ELN: variants seen among roughly 807,000 people sequenced by gnomAD.
ELN encodes the protein tropoelastin.
ELN carries 65 observed loss-of-function variants against 105.8 expected under a neutral mutation model. The observed-to-expected ratio is 0.61, with a 90% CI of 0.50 to 0.75. The LOEUF (loss-of-function observed/expected upper bound fraction) is 0.75, where lower values mean the gene tolerates loss of function less well. Ranked by LOEUF, ELN falls within the 30% of genes least tolerant of loss-of-function variation. The pLI is 0.00. For missense variants in ELN, 882 were observed against 969.4 expected (o/e 0.91, Z 1.20); for synonymous variants, 368 against 389.2 (o/e 0.95, Z 0.64).
chr7:74,068,946 C>T lies in ELN; in HGVS notation c.*246C>T. 1 of 568,222 alleles carries T rather than the reference C, an allele frequency of 1.8e-6. No individual in the cohort carries two copies. The highest frequency in any genetic ancestry group is 3.2e-6 in the Non-Finnish European group (1 of 315,258). 35.2% of individuals were successfully genotyped at this position (568,222 alleles called of 1,614,324 possible). On this transcript the variant is annotated 3_prime_UTR_variant, in exon 33 of 33. Coordinates refer to ENST00000252034, the MANE Select transcript of ELN (RefSeq NM_000501.4). ...GTGGTCCTGGCCCCCCACCCCATCC[C>T]TTCCCACCTAGGAGCTCCCCCTCCA...
chr7:74,063,548 C>G lies in ELN; in HGVS notation c.1919-73C>G. ...CCACCTGTGTCCCCAGAGGACACCT[C>G]CGCCCTCCACAGGCCGAGGCTTCAG... On this transcript the variant is annotated intron_variant, in intron 28 of 32. Transcript: ENST00000252034. This position sits in a 1 kb window ranked among gnomAD's most constrained non-coding sequence, Gnocchi z 4.1. 1 of 1,612,014 alleles carries G rather than the reference C, an allele frequency of 6.2e-7. No individual in the cohort carries two copies. The highest frequency in any genetic ancestry group is 8.5e-7 in the Non-Finnish European group (1 of 1,178,602).
At chr7:74,057,550 A>G in intron 21 of ELN, 90 bp from the exon 22 acceptor site, 1 of 1,608,250 alleles carries the variant, frequency 6.2e-7, no homozygotes, top group South Asian at 1.1e-5. Flanking sequence ...CGACTGCACC[A>G]TTTTACAAAT....
chr7:74,068,611 C>G (rs13225649), intron 32 of ELN, 46 bp from the exon 33 acceptor site: 1 of 1,613,402 alleles, frequency 6.2e-7, no homozygotes, highest in African/African-American at 1.3e-5. Flanking sequence ...AGAGCCGAAA[C>G]TGAGAGGGGC....
intron 26 of ELN, 108 bp downstream of exon 26, chr7:74,061,247 T>C: frequency 7.1e-7 from 1 of 1,412,804 alleles, no homozygotes; most frequent in Non-Finnish European, 9.9e-7. Flanking sequence ...CCGGGCGTGG[T>C]GGCTCACACC....
chr7:74,045,321 A>G lies in ELN; in HGVS notation c.541+28A>G, dbSNP rs369679257. The G allele has an allele frequency of 5.6e-6, 9 of 1,612,888 alleles. No individual in the cohort carries two copies. The Admixed American group carries it at 1.0e-4, about 18-fold the overall frequency. On this transcript the variant is annotated intron_variant, in intron 10 of 32. Coordinates refer to ENST00000252034, the MANE Select transcript of ELN (RefSeq NM_000501.4). ...ATGCAGCTGTCTGGACAGAGGGCTG[A>G]TGGCAGGGACTCTCCAACCACCTTC...
rs782628522 is a variant in ELN at position 74,053,319 on chromosome 7, G to A, written c.1096+10G>A. ...GGTGCTGCGGTTCCAGGTGAGCTGG[G>A]CTGTGTGTGTGTGTGTGTGTGTGTG... On this transcript the variant is annotated intron_variant, in intron 18 of 32. Transcript: ENST00000252034. The A allele has an allele frequency of 6.4e-7, 1 of 1,563,254 alleles. No individual in the cohort carries two copies. Among genetic ancestry groups the A allele is most frequent in the African/African-American group, 1.7e-5 (1 of 60,442 alleles).
At chr7:74,035,711 C>A in intron 2 of ELN, 1 of 463,946 alleles carries the variant, frequency 2.2e-6, no homozygotes, top group South Asian at 2.2e-5. Context: ...TCTCTACACA[C>A]ACACACACAC....
At chr7:74,051,679 C>G (rs2131844963) in intron 15 of ELN, 71 bp from the exon 16 acceptor site, 1 of 1,575,882 alleles carries the variant, frequency 6.3e-7, no homozygotes, top group Admixed American at 1.7e-5. Flanking sequence ...ACGCCGGCGT[C>G]TAAGTGGCCA....
rs549285430 is a variant in ELN, at chr7:74,060,007, C to A, written c.1536C>A (p.Gly512=). Residue 512 remains glycine, a synonymous_variant, in exon 23 of 33, where the codon GGC becomes GGA. Transcript: ENST00000252034. Reference sequence around the variant, plus strand: ...CTCCTGGAGTTGGTGTGGCTCCTGGCGTTGGCGTGGCTCCCGGCATTGGCC... The same window carrying A: ...CTCCTGGAGTTGGTGTGGCTCCTGGAGTTGGCGTGGCTCCCGGCATTGGCC... The part of the protein sequence containing the change: ...GVAPGVGVAP[G]VGVAPGIGPG... The A allele has an allele frequency of 3.1e-6, 5 of 1,613,158 alleles. No individual in the cohort carries two copies. The highest frequency in any genetic ancestry group is 1.7e-4 in the Middle Eastern group (1 of 6,056).
intron 1 of ELN, among the ~76,000 whole-genome samples, chr7:74,033,863 G>A (rs1041494020): frequency 1.6e-4 from 25 of 152,328 alleles, no homozygotes; most frequent in Middle Eastern, 6.8e-3. Context: ...GGGCTGGGGC[G>A]TTGGCAAGGT....
intron 3 of ELN, 138 bp from the exon 4 acceptor site, chr7:74,037,569 C>T (rs1790263876): frequency 9.3e-6 from 12 of 1,293,326 alleles, no homozygotes; most frequent in Admixed American, 8.0e-5. Flanking sequence ...GCTAGGTTCC[C>T]AGGGGCTCCA....
chr7:74,067,440 G>T (rs1279105675), intron 32 of ELN, among the ~76,000 whole-genome samples: 1 of 150,674 alleles, frequency 6.6e-6, no homozygotes, highest in Non-Finnish European at 1.5e-5. Flanking sequence ...GCTAATTTTT[G>T]TATTTTTAGT....
intron 21 of ELN, 33 bp downstream of exon 21, chr7:74,056,746 C>G: frequency 6.2e-7 from 1 of 1,613,486 alleles, no homozygotes; most frequent in East Asian, 2.2e-5. Flanking sequence ...TCCCCAAGTC[C>G]TGCTCTCCCG....
intron 22 of ELN, among the ~76,000 whole-genome samples, chr7:74,058,141 T>C (rs1795746487): frequency 3.3e-5 from 5 of 151,008 alleles, no homozygotes. Context: ...CTCCTTCCTC[T>C]TCTTCTCCTC....
rs1583862479 is a variant in ELN at position 74,052,152 on chromosome 7, A to G, written c.949+169A>G. 6.5e-6 allele frequency: 5 copies of G among 771,008 alleles called. No homozygotes were observed. The East Asian group carries it at 1.3e-4, about 21-fold the overall frequency. 47.8% of individuals were successfully genotyped at this position (771,008 alleles called of 1,614,324 possible). A position where few individuals can be genotyped will look rare whatever the true frequency, so the allele number is the denominator to read the frequency against. ...TCACTCTACCTGAGATGCCATCTCT[A>G]TTGTTTTGCCCTGATTAACTCAGCA... On this transcript the variant is annotated intron_variant, in intron 17 of 32. Transcript: ENST00000252034.
At chr7:74,060,609 T>C (rs1554683849) in intron 25 of ELN, 108 bp downstream of exon 25, 6 of 1,581,928 alleles carry the variant, frequency 3.8e-6, no homozygotes, top group Admixed American at 1.9e-5. Context: ...GGGTGCATAG[T>C]AAAATCCTTG....
In ELN at chr7:74,059,817, C is replaced by T. The variant is rs960069642; in HGVS notation, c.1415-69C>T. The T allele has an allele frequency of 4.7e-6, 4 of 853,586 alleles. No individual in the cohort carries two copies. In the African/African-American group the frequency reaches 6.6e-5, roughly 14 times the overall value. 52.9% of individuals were successfully genotyped at this position (853,586 alleles called of 1,614,324 possible). A position where few individuals can be genotyped will look rare whatever the true frequency, so the allele number is the denominator to read the frequency against. ...CTATGCCAGGGCCGAGGCTCCAGCCCTCTTTCCATAAGCTTCTGTCCTCTT... is the reference window on the plus strand; with the variant it reads ...CTATGCCAGGGCCGAGGCTCCAGCCTTCTTTCCATAAGCTTCTGTCCTCTT... On this transcript the variant is annotated intron_variant, in intron 22 of 32. Coordinates refer to ENST00000252034, the MANE Select transcript of ELN (RefSeq NM_000501.4).
chr7:74,030,702 A>AT (rs1554661732), intron 1 of ELN, among the ~76,000 whole-genome samples: 1 of 151,634 alleles, frequency 6.6e-6, no homozygotes, highest in African/African-American at 2.4e-5. Flanking sequence ...CTTTTTAAAT[A>AT]TTTTTTTAAT....
chr7:74,048,878 T>C (rs1793197388), intron 15 of ELN, among the ~76,000 whole-genome samples: 1 of 151,524 alleles, frequency 6.6e-6, no homozygotes, highest in East Asian at 1.9e-4. Context: ...CATTCATTCA[T>C]CCATCCATCT....
Sources: gnomAD v4.1 joint callset for allele counts (sites outside exome capture counted in the v4.1 genomes callset) on GRCh38, gnomAD v4.1.1 for gene constraint, Gnocchi (gnomAD v3.1) non-coding constraint, MANE v1.5 for transcripts, NCBI Gene and HGNC (gene_info 2026-07-23, HGNC 2026-07-21) for gene names.